Variants in CNBD1 observed in about 807,000 individuals in gnomAD.
The protein encoded by CNBD1 is cyclic nucleotide binding domain containing 1.
A neutral mutation model predicts 54.4 loss-of-function variants in CNBD1; 71 were observed. The ratio of observed to expected loss-of-function variants is 1.30; its 90% CI spans 1.08 to 1.59. The LOEUF is 1.59. Ranked by LOEUF, CNBD1 falls within the 40% of genes most tolerant of loss-of-function variation. The pLI is 0.00. For synonymous variants in CNBD1, 182 were observed against 170.7 expected, an observed-to-expected ratio of 1.07 and a Z score of -0.51; for missense variants, 659 against 518.0, an observed-to-expected ratio of 1.27 and a Z score of -2.64.
intron 10 of CNBD1, among the ~76,000 whole-genome samples, chr8:87,375,750 G>C (rs1387490931): frequency 2.0e-5 from 3 of 151,814 alleles, no homozygotes; most frequent in Non-Finnish European, 4.4e-5. Flanking sequence ...ATTACTTATA[G>C]TTACCTTATA....
intron 4 of CNBD1, among the ~76,000 whole-genome samples, chr8:86,946,713 T>C (rs945520723): frequency 2.6e-4 from 10 of 38,126 alleles, no homozygotes; most frequent in Admixed American, 1.4e-3. Flanking sequence ...ACAGATTTAA[T>C]AACAATGGAA....
At chr8:87,269,597 A>G (rs60615668) in intron 6 of CNBD1, among the ~76,000 whole-genome samples, 42,773 of 151,908 alleles carry the variant, frequency 0.28, 6,475 homozygotes, top group African/African-American at 0.39. Flanking sequence ...GATTTCTTTC[A>G]GCAGTATTTT....
At chr8:86,982,743 T>C (rs186738306) in intron 4 of CNBD1, among the ~76,000 whole-genome samples, 2 of 152,290 alleles carry the variant, frequency 1.3e-5, no homozygotes, top group African/African-American at 2.4e-5. Context: ...TCTTACCTTC[T>C]TTTCAAAATT....
intron 8 of CNBD1, among the ~76,000 whole-genome samples, chr8:87,301,328 C>A (rs958326438): frequency 9.2e-5 from 14 of 151,936 alleles, no homozygotes; most frequent in Non-Finnish European, 1.9e-4. Flanking sequence ...AAGAAAGAAC[C>A]CTCCTTAATT....
chr8:87,096,026 A>G (rs897923591), intron 4 of CNBD1, among the ~76,000 whole-genome samples: 1 of 152,204 alleles, frequency 6.6e-6, no homozygotes, highest in Non-Finnish European at 1.5e-5. Flanking sequence ...GAAGTTAGGT[A>G]ACAGATGTTA....
In CNBD1 at chr8:86,961,820, A is replaced by G. The variant is rs114811589; in HGVS notation, c.431+22066A>G. Among the ~76,000 whole-genome samples, 1,433 of 152,358 alleles carry G rather than the reference A, an allele frequency of 9.4e-3. 21 individuals are homozygous for G. Among genetic ancestry groups the G allele is most frequent in the African/African-American group, 0.033 (1,377 of 41,578 alleles). ...TTCTTTCAAAATAGTTGATCTAAGC[A>G]CTTGATTTTCTTTAAGCCAATCAGA... On this transcript the variant is annotated intron_variant, in intron 4 of 10. Transcript: ENST00000518476.
At chr8:87,241,339 C>T (rs928745135) in intron 6 of CNBD1, among the ~76,000 whole-genome samples, 7 of 137,556 alleles carry the variant, frequency 5.1e-5, no homozygotes, top group Non-Finnish European at 7.5e-5. Flanking sequence ...GGCGCGATCT[C>T]GGCTCACTGC....
At chr8:87,285,595 G>T (rs1808681090) in intron 7 of CNBD1, among the ~76,000 whole-genome samples, 1 of 152,050 alleles carries the variant, frequency 6.6e-6, no homozygotes. Flanking sequence ...AATTAGCCGG[G>T]CTTGGTGGCA....
intron 8 of CNBD1, among the ~76,000 whole-genome samples, chr8:87,309,828 G>T (rs1394522326): frequency 1.3e-5 from 2 of 151,900 alleles, no homozygotes; most frequent in Non-Finnish European, 2.9e-5. Flanking sequence ...GAAAGTCCTA[G>T]CCAGGGCAAT....
intron 4 of CNBD1, among the ~76,000 whole-genome samples, chr8:87,093,060 A>G (rs1811249501): frequency 6.6e-6 from 1 of 152,168 alleles, no homozygotes; most frequent in Non-Finnish European, 1.5e-5. Context: ...TAATGTATGA[A>G]TAAACACAAT....
At chr8:87,400,911 C>T (rs1000132663) in intron 2 of CNBD1, among the ~76,000 whole-genome samples, 1 of 151,922 alleles carries the variant, frequency 6.6e-6, no homozygotes, top group Non-Finnish European at 1.5e-5. Flanking sequence ...ATTAATTTAT[C>T]TCAGAAAGTG....
Position 86,949,963 on chromosome 8 carries a change from T to G in CNBD1, c.431+10209T>G, listed in dbSNP as rs1231321702. On this transcript the variant is annotated intron_variant, in intron 4 of 10. Transcript: ENST00000518476. ...CATCAAATGCTTTTTTTTTTTTTTTTTTTTTTTTTTTGAGATGGAGTCTCG... is the reference window on the plus strand; with the variant it reads ...CATCAAATGCTTTTTTTTTTTTTTTGTTTTTTTTTTTGAGATGGAGTCTCG... Among the ~76,000 whole-genome samples, 11 of 131,100 alleles carry G rather than the reference T, an allele frequency of 8.4e-5. 1 individual carries two copies. The highest frequency in any genetic ancestry group is 3.2e-4 in the African/African-American group (11 of 34,398). The allele number at this position is 131,100 out of a possible 152,430, so 86.0% of individuals were successfully genotyped here.
intron 4 of CNBD1, among the ~76,000 whole-genome samples, chr8:87,026,900 A>G (rs958679525): frequency 6.6e-6 from 1 of 152,208 alleles, no homozygotes; most frequent in African/African-American, 2.4e-5. Context: ...TTCTATGCCA[A>G]ACCTTGACAC....
chr8:87,191,332 C>T (rs1007476061), intron 4 of CNBD1, among the ~76,000 whole-genome samples: 4 of 152,134 alleles, frequency 2.6e-5, no homozygotes, highest in African/African-American at 9.7e-5. Flanking sequence ...AAATTATCCC[C>T]ATTCTTCCAC....
chr8:87,255,800 T>A (rs1409837212), intron 6 of CNBD1, among the ~76,000 whole-genome samples: 1 of 150,646 alleles, frequency 6.6e-6, no homozygotes, highest in Non-Finnish European at 1.5e-5. Context: ...TCTTATTTTT[T>A]AAAATGACTA....
chr8:87,056,548 A>C (rs1281098644), intron 4 of CNBD1, among the ~76,000 whole-genome samples: 1 of 152,202 alleles, frequency 6.6e-6, no homozygotes, highest in Non-Finnish European at 1.5e-5. Context: ...CAGTATTTTA[A>C]TATATGAGCA....
intron 4 of CNBD1, among the ~76,000 whole-genome samples, chr8:87,090,141 G>A (rs2130677999): frequency 6.6e-6 from 1 of 152,236 alleles, no homozygotes; most frequent in South Asian, 2.1e-4. Context: ...GAGGATAAAT[G>A]TAATAATTCA....
chr8:86,969,987 T>C (rs1563842153), intron 4 of CNBD1, among the ~76,000 whole-genome samples: 1 of 152,098 alleles, frequency 6.6e-6, no homozygotes, highest in Non-Finnish European at 1.5e-5. Context: ...TGTGGTCTGC[T>C]GATGGCAAAT....
At chr8:87,273,588 T>C (rs954861893) in intron 6 of CNBD1, among the ~76,000 whole-genome samples, 12 of 152,096 alleles carry the variant, frequency 7.9e-5, no homozygotes, top group African/African-American at 2.6e-4. Context: ...CAGGAGACTT[T>C]ATGTTGTGAG....
Sources: allele counts gnomAD v4.1 joint callset (sites outside exome capture counted in the v4.1 genomes callset), GRCh38; gene constraint gnomAD v4.1.1; transcripts MANE v1.5; gene names NCBI Gene and HGNC (gene_info 2026-07-23, HGNC 2026-07-21).